The following ELAPOR1 variants were observed in gnomAD, a reference collection of about 807,000 sequenced individuals.
The protein encoded by ELAPOR1 is endosome/lysosome-associated apoptosis and autophagy regulator 1.
A neutral mutation model predicts 119.7 loss-of-function variants in ELAPOR1; 77 were observed. The ratio of observed to expected loss-of-function variants is 0.64; its 90% CI spans 0.54 to 0.78. The LOEUF (loss-of-function observed/expected upper bound fraction) is 0.78, where lower values mean the gene tolerates loss of function less well. ELAPOR1 is among the 30% of genes least tolerant of loss of function. The pLI, the probability that ELAPOR1 is intolerant of heterozygous loss-of-function variation, is 0.00. For missense variants in ELAPOR1, 1,115 were observed against 1,270.4 expected (o/e 0.88, Z 1.86); for synonymous variants, 481 against 487.2 (o/e 0.99, Z 0.17).
chr1:109,183,576 C>CCTTT (rs1558058054), intron 7 of ELAPOR1, among the ~76,000 whole-genome samples: 3 of 119,464 alleles, frequency 2.5e-5, no homozygotes, highest in Non-Finnish European at 3.5e-5. Context: ...TTCCTTCCTT[C>CCTTT]CTTCCTTCCT....
chr1:109,191,680 C>T (rs563990361), intron 12 of ELAPOR1, 46 bp from the exon 13 acceptor site: 1 of 1,609,102 alleles, frequency 6.2e-7, no homozygotes, highest in African/African-American at 1.3e-5. Context: ...GCACCCACTT[C>T]CCCTCTGGCC....
At chr1:109,144,874 G>T (rs754710591) in intron 1 of ELAPOR1, among the ~76,000 whole-genome samples, 10 of 152,032 alleles carry the variant, frequency 6.6e-5, no homozygotes, top group Non-Finnish European at 1.5e-4. Flanking sequence ...ATTTTTATAG[G>T]TATTTTGTCT....
intron 1 of ELAPOR1, among the ~76,000 whole-genome samples, chr1:109,133,059 G>T (rs1208691827): frequency 6.6e-6 from 1 of 151,946 alleles, no homozygotes; most frequent in African/African-American, 2.4e-5. Flanking sequence ...GCAAAACCCT[G>T]TCTCTACAAA....
chr1:109,115,284 G>A (rs966766026), intron 1 of ELAPOR1, among the ~76,000 whole-genome samples: 4 of 152,146 alleles, frequency 2.6e-5, no homozygotes, highest in South Asian at 2.1e-4. Flanking sequence ...CAAGAACTAC[G>A]TTGGGGAAGG....
chr1:109,186,078 A>T (rs543025119), intron 8 of ELAPOR1, among the ~76,000 whole-genome samples: 1 of 151,976 alleles, frequency 6.6e-6, no homozygotes, highest in African/African-American at 2.4e-5. Flanking sequence ...TAGGAAGGAA[A>T]AAAAAAAACC....
chr1:109,123,759 C>T, intron 1 of ELAPOR1, among the ~76,000 whole-genome samples: 1 of 152,190 alleles, frequency 6.6e-6, no homozygotes, highest in East Asian at 1.9e-4. Context: ...GCTTTCTCTC[C>T]ATACTTATAG....
rs373807504 is a variant in ELAPOR1, at chr1:109,191,377, C to A, written c.1451C>A (p.Ser484Ter). The change falls in exon 12 of 22, where the codon TCG becomes TAG. Residue 484 changes from serine to a stop codon, truncating the protein, a stop_gained. Transcript: ENST00000369939. LOFTEE classifies it high-confidence loss of function. Reference sequence around the variant, plus strand: ...TTCTGCCCCTACAGACCTCCGCAGTCGGTGATGGCAGACACAGAGAATAAA... The same window carrying A: ...TTCTGCCCCTACAGACCTCCGCAGTAGGTGATGGCAGACACAGAGAATAAA... ...LVVPGFRPPQ[S>*]VMADTENKEV... 6.2e-7 allele frequency: 1 copy of A among 1,613,818 alleles called. No homozygotes were observed. The highest frequency in any genetic ancestry group is 2.2e-5 in the East Asian group (1 of 44,888).
At position 109,164,557 on chromosome 1, in the gene ELAPOR1, C is replaced by T. The variant is rs758125698; in HGVS notation, c.333C>T (p.Cys111=). Residue 111 remains cysteine, a synonymous_variant, in exon 3 of 22, where the codon TGC becomes TGT. Transcript: ENST00000369939. ...TGAAGGACCAGTCATGTAAGCCATGCGCTGAGGGCCGCTACTCCCTCGGCA... is the reference window on the plus strand; with the variant it reads ...TGAAGGACCAGTCATGTAAGCCATGTGCTGAGGGCCGCTACTCCCTCGGCA... ...LDMKDQSCKP[C]AEGRYSLGTG... 3.0e-5 allele frequency: 49 copies of T among 1,614,186 alleles called. No individual in the cohort carries two copies. The East Asian group carries it at 7.8e-4, about 26-fold the overall frequency.
intron 1 of ELAPOR1, among the ~76,000 whole-genome samples, chr1:109,127,817 G>A (rs1295177174): frequency 1.3e-5 from 2 of 151,210 alleles, no homozygotes; most frequent in East Asian, 3.9e-4. Flanking sequence ...TCCCACCTTG[G>A]CCTTCCAAAG....
intron 1 of ELAPOR1, 69 bp downstream of exon 1, chr1:109,114,405 G>T: frequency 6.8e-7 from 1 of 1,465,258 alleles, no homozygotes; most frequent in African/African-American, 1.4e-5. Context: ...AGACCTTGGG[G>T]ACCCAGGCGC....
chr1:109,202,667 C>T (rs1370864160), intron 21 of ELAPOR1, among the ~76,000 whole-genome samples: 1 of 152,114 alleles, frequency 6.6e-6, no homozygotes, highest in Non-Finnish European at 1.5e-5. Context: ...TCTCGAACTC[C>T]TAACCTCAGG....
chr1:109,126,938 C>A (rs1648816926), intron 1 of ELAPOR1, among the ~76,000 whole-genome samples: 1 of 152,170 alleles, frequency 6.6e-6, no homozygotes, highest in South Asian at 2.1e-4. Flanking sequence ...AAGCTGCCAG[C>A]TTGTCCGGAT....
At chr1:109,152,966 A>AAG (rs1558034889) in intron 1 of ELAPOR1, among the ~76,000 whole-genome samples, 6 of 150,976 alleles carry the variant, frequency 4.0e-5, no homozygotes, top group Non-Finnish European at 8.9e-5. Flanking sequence ...AAAAAAAAAA[A>AAG]AAAGAAAGAA....
Position 109,186,830 on chromosome 1 carries a change from C to A in ELAPOR1, c.1042-1347C>A, listed in dbSNP as rs1018907867. 11 of 985,404 alleles carry A rather than the reference C, an allele frequency of 1.1e-5. No homozygotes were observed. In the South Asian group the frequency reaches 1.9e-4, roughly 17 times the overall value. 61.0% of individuals were successfully genotyped at this position (985,404 alleles called of 1,614,324 possible). On this transcript the variant is annotated intron_variant, in intron 8 of 21. Transcript: ENST00000369939. Reference sequence around the variant, plus strand: ...CACGCCAAGGCCTTCTGGGTCAGTACCGTGCTTGCTGCCTGAAAGCCCGGG... The same window carrying A: ...CACGCCAAGGCCTTCTGGGTCAGTAACGTGCTTGCTGCCTGAAAGCCCGGG...
intron 18 of ELAPOR1, among the ~76,000 whole-genome samples, chr1:109,199,544 C>T (rs1345238182): frequency 6.6e-6 from 1 of 151,076 alleles, no homozygotes; most frequent in African/African-American, 2.4e-5. Context: ...GTGGGGAGGA[C>T]AGGAACCTCA....
chr1:109,146,679 T>C (rs530866554), intron 1 of ELAPOR1, among the ~76,000 whole-genome samples: 1 of 152,320 alleles, frequency 6.6e-6, no homozygotes, highest in African/African-American at 2.4e-5. Flanking sequence ...CACTGTAACC[T>C]TGTGATTGTT....
chr1:109,146,757 G>C (rs1650202639), intron 1 of ELAPOR1, among the ~76,000 whole-genome samples: 1 of 152,158 alleles, frequency 6.6e-6, no homozygotes, highest in Admixed American at 6.6e-5. Flanking sequence ...TATTATTTTA[G>C]AGATGGGGGT....
At chr1:109,120,164 G>A (rs913085907) in intron 1 of ELAPOR1, among the ~76,000 whole-genome samples, 7 of 152,090 alleles carry the variant, frequency 4.6e-5, no homozygotes, top group Non-Finnish European at 8.8e-5. Context: ...TTGGGAGGCC[G>A]AGGCAGGCTG....
Position 109,203,462 on chromosome 1 carries a change from C to T in ELAPOR1, c.*450C>T, listed in dbSNP as rs1654305645. 1 of 157,276 alleles carries T rather than the reference C, an allele frequency of 6.4e-6. No individual in the cohort carries two copies. The highest frequency in any genetic ancestry group is 6.5e-5 in the Admixed American group (1 of 15,294). 9.7% of individuals were successfully genotyped at this position (157,276 alleles called of 1,614,324 possible). A position where few individuals can be genotyped will look rare whatever the true frequency, so the allele number is the denominator to read the frequency against. On this transcript the variant is annotated 3_prime_UTR_variant, in exon 22 of 22. Coordinates refer to ENST00000369939, the MANE Select transcript of ELAPOR1 (RefSeq NM_020775.5). ...GCTGGGTGAGGAGGGTGTCGGGGTT[C>T]CCTGGTGGATAATCTTCATAGCAGC...
Sources: allele counts gnomAD v4.1 joint callset (sites outside exome capture counted in the v4.1 genomes callset), GRCh38; gene constraint gnomAD v4.1.1; transcripts MANE v1.5; gene names NCBI Gene and HGNC (gene_info 2026-07-23, HGNC 2026-07-21).